POU6F1: variants seen among roughly 807,000 people sequenced by gnomAD.
POU6F1 encodes POU domain, class 6, transcription factor 1.
POU6F1 carries 9 observed loss-of-function variants against 28.9 expected under a neutral mutation model. That is an observed-to-expected ratio of 0.31 (90% CI 0.19 to 0.54). POU6F1 has a LOEUF of 0.54. Among genes scored for constraint, POU6F1 ranks in the 20% least tolerant of loss-of-function variants. The pLI, the probability that POU6F1 is intolerant of heterozygous loss-of-function variation, is 0.94. For synonymous variants in POU6F1, 173 were observed against 171.1 expected (o/e 1.01, Z -0.09); for missense variants, 338 against 426.1 (o/e 0.79, Z 1.82).
chr12:51,196,853 G>A lies in POU6F1; in HGVS notation c.921C>T (p.Ala307=). ...SLTTAPVITS[A]IPSMPGISSQ... ...TGCTGATCCCTGGCATGCTGGGAATGGCGCTGGTAATGACTGGAGCTGTAG... is the reference window on the plus strand; with the variant it reads ...TGCTGATCCCTGGCATGCTGGGAATAGCGCTGGTAATGACTGGAGCTGTAG... Residue 307 remains alanine (A), a synonymous_variant, in exon 7 of 11, where the codon GCC becomes GCT. Coordinates refer to ENST00000333640, the MANE Select transcript of POU6F1 (RefSeq NM_001330422.2). 1 of 1,614,096 alleles carries A rather than the reference G, an allele frequency of 6.2e-7. No homozygotes were observed.
At position 51,189,164 on chromosome 12, in the gene POU6F1, A is replaced by T. The variant is rs936131888; in HGVS notation, c.*1083T>A. On this transcript the variant is annotated 3_prime_UTR_variant, in exon 11 of 11. Transcript: ENST00000333640. ...TACAAAGAAAATTAGAGTTAAGTCA[A>T]CTTCCACAAGAGACCTTCCTGGGCT... is the stretch of plus-strand genomic sequence containing the variant. 2.0e-5 allele frequency: 3 copies of T among 152,138 alleles called. No homozygotes were observed. The highest frequency in any genetic ancestry group is 4.4e-5 in the Non-Finnish European group (3 of 68,024). 9.4% of individuals were successfully genotyped at this position (152,138 alleles called of 1,614,324 possible).
rs1942156131 is a variant in POU6F1 at position 51,188,241 on chromosome 12, T to C, written c.*2006A>G. 1 of 152,226 alleles carries C rather than the reference T, an allele frequency of 6.6e-6. No homozygotes were observed. Among genetic ancestry groups the C allele is most frequent in the Non-Finnish European group, 1.5e-5 (1 of 68,038 alleles). The allele number at this position is 152,226 out of a possible 1,614,324, so 9.4% of individuals were successfully genotyped here. A position where few individuals can be genotyped will look rare whatever the true frequency, so the allele number is the denominator to read the frequency against. On this transcript the variant is annotated 3_prime_UTR_variant, in exon 11 of 11. Transcript: ENST00000333640. ...ATGTGCCTGGCCTAATTTACTGAAG[T>C]GTCAGTCACTGAATCCTTTACAAGC... is the stretch of plus-strand genomic sequence containing the variant.
intron 3 of POU6F1, among the ~76,000 whole-genome samples, chr12:51,203,962 T>C (rs1943395992): frequency 6.6e-6 from 1 of 152,150 alleles, no homozygotes; most frequent in Non-Finnish European, 1.5e-5. Flanking sequence ...AGTTTAGGCC[T>C]GGAAGTGACA....
Position 51,196,718 on chromosome 12 carries a change from C to T in POU6F1, c.975+81G>A, listed in dbSNP as rs1216337614. ...TGACGTCTGTTCGAGTTTCTATGAC[C>T]CACAGCCCAAGACCTGGCCGCCATC... On this transcript the variant is annotated intron_variant, in intron 7 of 10. Transcript: ENST00000333640. The T allele has an allele frequency of 4.6e-6, 7 of 1,529,948 alleles. No homozygotes were observed. The Admixed American group carries it at 1.2e-4, about 27-fold the overall frequency. 94.8% of individuals were successfully genotyped at this position (1,529,948 alleles called of 1,614,324 possible). A position where few individuals can be genotyped will look rare whatever the true frequency, so the allele number is the denominator to read the frequency against.
chr12:51,212,240 C>G (rs1476414801), intron 1 of POU6F1, among the ~76,000 whole-genome samples: 2 of 151,800 alleles, frequency 1.3e-5, no homozygotes, highest in Admixed American at 1.3e-4. Context: ...ACTACAGGTG[C>G]GCGCCACCAT....
rs1451071324 is a variant in POU6F1 at position 51,197,713 on chromosome 12, C to A, written c.846+57G>T. On this transcript the variant is annotated intron_variant, in intron 6 of 10. Coordinates refer to ENST00000333640, the MANE Select transcript of POU6F1 (RefSeq NM_001330422.2). The stretch of plus-strand genomic sequence containing the variant: ...CCACTGTGGGAAGGGTCAGTTCCAC[C>A]CTTGGCCCATGATTCCGTCCATCCC... The A allele has an allele frequency of 2.0e-5, 8 of 399,352 alleles. No homozygotes were observed. In the East Asian group the frequency reaches 2.8e-4, roughly 14 times the overall value. 24.7% of individuals were successfully genotyped at this position (399,352 alleles called of 1,614,324 possible). A position where few individuals can be genotyped will look rare whatever the true frequency, so the allele number is the denominator to read the frequency against.
chr12:51,192,179 G>T, intron 9 of POU6F1, 151 bp downstream of exon 9: 1 of 1,183,080 alleles, frequency 8.5e-7, no homozygotes, highest in Non-Finnish European at 1.2e-6. Flanking sequence ...ACCTCAACAG[G>T]AATGGGAATA....
intron 1 of POU6F1, among the ~76,000 whole-genome samples, chr12:51,216,973 TGCATCG>T (rs66996501): frequency 0.015 from 2,343 of 152,294 alleles, 28 homozygotes; most frequent in Middle Eastern, 0.031. Context: ...CCAGGGAGCC[TGCATCG>T]GGCCCATTAT....
At chr12:51,206,224 C>T (rs1455987173) in intron 2 of POU6F1, among the ~76,000 whole-genome samples, 2 of 150,874 alleles carry the variant, frequency 1.3e-5, no homozygotes, top group African/African-American at 4.9e-5. Flanking sequence ...GAGATCGAGA[C>T]CATCCTGGCT....
chr12:51,193,655 C>T (rs1164284641), intron 8 of POU6F1, among the ~76,000 whole-genome samples: 1 of 151,970 alleles, frequency 6.6e-6, no homozygotes, highest in Non-Finnish European at 1.5e-5. Flanking sequence ...ATATGAATTT[C>T]CAGAAAAACA....
chr12:51,203,680 C>G (rs1943375096), intron 3 of POU6F1, among the ~76,000 whole-genome samples: 1 of 152,054 alleles, frequency 6.6e-6, no homozygotes, highest in Non-Finnish European at 1.5e-5. Context: ...CCCCACCAGT[C>G]CAGATCTCCA....
rs987177478 is a variant in POU6F1, at chr12:51,190,194, G to A, written c.*53C>T. On this transcript the variant is annotated 3_prime_UTR_variant, in exon 11 of 11. Coordinates refer to ENST00000333640, the MANE Select transcript of POU6F1 (RefSeq NM_001330422.2). This position sits in a 1 kb window ranked among gnomAD's most constrained non-coding sequence, Gnocchi z 4.5. ...TGCTGTCATGGCAGTGGCTGCAGCC[G>A]GATGCCACGGGAAATGGACAAAGTG... 6.8e-5 allele frequency: 108 copies of A among 1,581,170 alleles called. No individual in the cohort carries two copies. In the Middle Eastern group the frequency reaches 8.0e-4, roughly 12 times the overall value.
intron 3 of POU6F1, among the ~76,000 whole-genome samples, chr12:51,203,673 C>G (rs751585678): frequency 1.3e-5 from 2 of 152,092 alleles, no homozygotes; most frequent in Non-Finnish European, 2.9e-5. Flanking sequence ...GGCCCACCCC[C>G]ACCAGTCCAG....
rs1312933052 is a variant in POU6F1, at chr12:51,190,213, C to A, written c.*34G>T. The A allele has an allele frequency of 2.5e-6, 4 of 1,600,670 alleles. No individual in the cohort carries two copies. The East Asian group carries it at 9.0e-5, about 36-fold the overall frequency. On this transcript the variant is annotated 3_prime_UTR_variant, in exon 11 of 11. Coordinates refer to ENST00000333640, the MANE Select transcript of POU6F1 (RefSeq NM_001330422.2). The surrounding 1 kb of genome is among the most constrained non-coding windows in gnomAD (Gnocchi z 4.5). The stretch of plus-strand genomic sequence containing the variant: ...GCAGCCGGATGCCACGGGAAATGGA[C>A]AAAGTGCTAGAACACAGGGCCAGGG...
In POU6F1 at chr12:51,217,171, C is replaced by G. The variant is rs1431988061; in HGVS notation, c.-48+471G>C. On this transcript the variant is annotated intron_variant, in intron 1 of 10. Transcript: ENST00000333640. This position sits in a 1 kb window ranked among gnomAD's most constrained non-coding sequence, Gnocchi z 5.3. ...GAGAACCGTGACAGGTCACCCTGGC[C>G]GCCCCAGCTGGCCCTAACCGCCGGG... 6.6e-6 allele frequency among the ~76,000 whole-genome samples: 1 copy of G among 152,178 alleles called. No individual in the cohort carries two copies. The highest frequency in any genetic ancestry group is 1.5e-5 in the Non-Finnish European group (1 of 68,022).
Position 51,190,826 on chromosome 12 carries a change from C to G in POU6F1, c.1491-234G>C, listed in dbSNP as rs148351378. Among the ~76,000 whole-genome samples, 222 of 152,232 alleles carry G rather than the reference C, an allele frequency of 1.5e-3. 2 individuals are homozygous for G. Among genetic ancestry groups the G allele is most frequent in the African/African-American group, 5.0e-3 (208 of 41,530 alleles). ...AACAGGGAAACCATTCCCACGGCCT[C>G]GGCTCAGTCAGTAGTGGAATAATAA... is the stretch of plus-strand genomic sequence containing the variant. On this transcript the variant is annotated intron_variant, in intron 10 of 10. Coordinates refer to ENST00000333640, the MANE Select transcript of POU6F1 (RefSeq NM_001330422.2). The surrounding 1 kb of genome is among the most constrained non-coding windows in gnomAD (Gnocchi z 4.5).
chr12:51,195,963 C>CCCCCCGGT lies in POU6F1; in HGVS notation c.1179+6_1179+7insACCGGGGG. On this transcript the variant is annotated splice_region_variant and intron_variant, in intron 8 of 10. Coordinates refer to ENST00000333640, the MANE Select transcript of POU6F1 (RefSeq NM_001330422.2). The stretch of plus-strand genomic sequence containing the variant: ...GCCCCACCCCCCACCCCCCCCAGCC[C>CCCCCCGGT]CTGTACCTCACTCTTAGCAGGGGAC... 6.4e-7 allele frequency: 1 copy of CCCCCCGGT among 1,558,998 alleles called. No homozygotes were observed. Among genetic ancestry groups the CCCCCCGGT allele is most frequent in the Non-Finnish European group, 8.7e-7 (1 of 1,148,776 alleles).
intron 6 of POU6F1, among the ~76,000 whole-genome samples, chr12:51,197,401 C>T (rs1211306463): frequency 6.6e-6 from 1 of 152,172 alleles, no homozygotes; most frequent in African/African-American, 2.4e-5. Flanking sequence ...TATCTAACGC[C>T]TCCCACTGCC....
chr12:51,197,995 C>T lies in POU6F1; in HGVS notation c.621G>A (p.Pro207=), dbSNP rs1016100163. Residue 207 remains proline (P), a synonymous_variant, in exon 6 of 11, where the codon CCG becomes CCA. Coordinates refer to ENST00000333640, the MANE Select transcript of POU6F1 (RefSeq NM_001330422.2). ...QAAAVLNTAL[P]APVQAAAPVQ... The stretch of plus-strand genomic sequence containing the variant: ...CTGGTGCGGCAGCTTGTACCGGTGC[C>T]GGAAGAGCGGTGTTCAGCACAGCAG... 36 of 399,696 alleles carry T rather than the reference C, an allele frequency of 9.0e-5. No homozygotes were observed. Among genetic ancestry groups the T allele is most frequent in the Non-Finnish European group, 1.5e-4 (33 of 226,748 alleles). The allele number at this position is 399,696 out of a possible 1,614,324, so 24.8% of individuals were successfully genotyped here. A position where few individuals can be genotyped will look rare whatever the true frequency, so the allele number is the denominator to read the frequency against.
Sources: gnomAD v4.1 joint callset for allele counts (sites outside exome capture counted in the v4.1 genomes callset) on GRCh38, gnomAD v4.1.1 for gene constraint, Gnocchi (gnomAD v3.1) non-coding constraint, MANE v1.5 for transcripts, NCBI Gene and HGNC (gene_info 2026-07-23, HGNC 2026-07-21) for gene names.